Variants in LRP1B observed in about 807,000 individuals in gnomAD.
The protein encoded by LRP1B is LDL receptor related protein 1B.
Under a neutral mutation model 556.6 loss-of-function variants are expected in LRP1B, and 217 were observed. The observed-to-expected ratio is 0.39, with a 90% CI of 0.35 to 0.44. The LOEUF (loss-of-function observed/expected upper bound fraction) is 0.44, where lower values mean the gene tolerates loss of function less well. LRP1B is among the 20% of genes least tolerant of loss of function. The probability of loss-of-function intolerance (pLI) is 1.00; values close to 1 mark genes in which losing one functional copy is unlikely to be tolerated. For missense variants in LRP1B, 5,053 were observed against 5,620.8 expected, an observed-to-expected ratio of 0.90 and a Z score of 3.23; for synonymous variants, 2,047 against 1,865.8, an observed-to-expected ratio of 1.10 and a Z score of -2.50.
At chr2:140,987,203 A>C (rs1696952867) in intron 17 of LRP1B, among the ~76,000 whole-genome samples, 2 of 152,084 alleles carry the variant, frequency 1.3e-5, no homozygotes, top group Admixed American at 6.6e-5. Context: ...TCGAGTTCTT[A>C]AGGTATCCAG....
chr2:141,294,568 A>C (rs749321038), intron 3 of LRP1B, among the ~76,000 whole-genome samples: 5 of 151,732 alleles, frequency 3.3e-5, no homozygotes, highest in Non-Finnish European at 7.4e-5. Context: ...ACAAAAAAAA[A>C]AATAAAGTAA....
intron 1 of LRP1B, among the ~76,000 whole-genome samples, chr2:142,026,561 A>G (rs1192190338): frequency 1.3e-5 from 2 of 152,098 alleles, no homozygotes; most frequent in African/African-American, 4.8e-5. Flanking sequence ...TAAATAAACC[A>G]TATCCAATTA....
At chr2:141,126,856 C>A (rs1431051172) in intron 7 of LRP1B, among the ~76,000 whole-genome samples, 1 of 151,094 alleles carries the variant, frequency 6.6e-6, no homozygotes, top group Non-Finnish European at 1.5e-5. Context: ...ATGATTAATT[C>A]ATTTTTCTTC....
At chr2:141,000,131 C>A (rs1454007939) in intron 15 of LRP1B, among the ~76,000 whole-genome samples, 1 of 151,742 alleles carries the variant, frequency 6.6e-6, no homozygotes, top group East Asian at 2.0e-4. Context: ...GTTCCCCAAG[C>A]TGGTCTTGAA....
intron 3 of LRP1B, among the ~76,000 whole-genome samples, chr2:141,293,038 C>T (rs1280760050): frequency 6.6e-6 from 1 of 152,046 alleles, no homozygotes; most frequent in Non-Finnish European, 1.5e-5. Flanking sequence ...CTCCTTTATG[C>T]TATTCTAAAA....
At chr2:141,085,101 G>C (rs1444519519) in intron 7 of LRP1B, among the ~76,000 whole-genome samples, 1 of 141,398 alleles carries the variant, frequency 7.1e-6, no homozygotes, top group Admixed American at 7.3e-5. Flanking sequence ...GTTGCCCTAA[G>C]AGAGAAGGTA....
At position 140,381,015 on chromosome 2, in the gene LRP1B, T is replaced by G. The variant is rs139435057; in HGVS notation, c.10532-2729A>C. On this transcript the variant is annotated intron_variant, in intron 67 of 90. Transcript: ENST00000389484. ...TTTTAAAAATGCCAGCAAATCTACT[T>G]CTGAATAATAATCATGAATTATTTA... is the stretch of plus-strand genomic sequence containing the variant. 3.5e-3 allele frequency among the ~76,000 whole-genome samples: 526 copies of G among 152,268 alleles called. 4 individuals carry two copies. The highest frequency in any genetic ancestry group is 0.012 in the African/African-American group (509 of 41,552).
intron 18 of LRP1B, among the ~76,000 whole-genome samples, chr2:140,971,191 G>C (rs1442769509): frequency 2.0e-5 from 3 of 152,168 alleles, no homozygotes; most frequent in Non-Finnish European, 4.4e-5. Context: ...GATTAAAGGT[G>C]GGCTTTAAAA....
chr2:140,328,038 T>C (rs976997981), intron 79 of LRP1B, among the ~76,000 whole-genome samples: 2 of 151,960 alleles, frequency 1.3e-5, no homozygotes, highest in Non-Finnish European at 2.9e-5. Flanking sequence ...GTTACAGAGA[T>C]GAGAATCAAG....
At chr2:140,739,778 C>T (rs1320811195) in intron 35 of LRP1B, among the ~76,000 whole-genome samples, 1 of 152,096 alleles carries the variant, frequency 6.6e-6, no homozygotes, top group Admixed American at 6.6e-5. Flanking sequence ...ATCTATACAT[C>T]TGACAAAGGA....
At chr2:141,118,780 T>C (rs560096447) in intron 7 of LRP1B, among the ~76,000 whole-genome samples, 54 of 152,002 alleles carry the variant, frequency 3.6e-4, no homozygotes, top group African/African-American at 1.2e-3. Context: ...TTTCCCTTTT[T>C]TTCTTTTGAA....
chr2:140,334,630 A>G, intron 78 of LRP1B, 71 bp from the exon 79 acceptor site: 1 of 800,596 alleles, frequency 1.2e-6, no homozygotes, highest in Non-Finnish European at 2.0e-6. Flanking sequence ...TCCGCAAAGC[A>G]GTGGCTCTTC....
At chr2:140,250,601 A>G (rs1175008514) in intron 86 of LRP1B, among the ~76,000 whole-genome samples, 1 of 151,480 alleles carries the variant, frequency 6.6e-6, no homozygotes, top group African/African-American at 2.4e-5. Context: ...AGTTGTATGT[A>G]TAAGTGCTCT....
At chr2:141,819,088 A>G (rs1696666365) in intron 1 of LRP1B, among the ~76,000 whole-genome samples, 3 of 115,806 alleles carry the variant, frequency 2.6e-5, no homozygotes, top group Non-Finnish European at 5.3e-5. Context: ...AAAATTCAAA[A>G]ATTAACCAGG....
At chr2:141,724,994 G>T (rs1251540459) in intron 2 of LRP1B, among the ~76,000 whole-genome samples, 1 of 151,682 alleles carries the variant, frequency 6.6e-6, no homozygotes, top group Admixed American at 6.6e-5. Context: ...TCCCAATCCC[G>T]CCTTTTATGT....
chr2:141,444,359 C>T (rs966592418), intron 3 of LRP1B, among the ~76,000 whole-genome samples: 14 of 152,172 alleles, frequency 9.2e-5, no homozygotes, highest in Non-Finnish European at 1.9e-4. Context: ...TCTAAATATA[C>T]AATCATGTCA....
In LRP1B at chr2:142,115,781, AATATATATCATATATAT is replaced by A. The variant is rs1707235641; in HGVS notation, c.82+14850_82+14866del. 2.3e-4 allele frequency among the ~76,000 whole-genome samples: 4 copies of A among 17,302 alleles called. 2 individuals are homozygous for A. Among genetic ancestry groups the A allele is most frequent in the African/African-American group, 5.5e-4 (4 of 7,248 alleles). The allele number at this position is 17,302 out of a possible 152,430, so 11.4% of individuals were successfully genotyped here. A position where few individuals can be genotyped will look rare whatever the true frequency, so the allele number is the denominator to read the frequency against. On this transcript the variant is annotated intron_variant, in intron 1 of 90. Transcript: ENST00000389484. ...TATGTAATATATATCATATATATGT[AATATATATCATATATAT>A]GTAATATATATCATATATATGTAAT...
intron 41 of LRP1B, among the ~76,000 whole-genome samples, chr2:140,669,000 GA>G (rs1480326619): frequency 6.6e-6 from 1 of 152,190 alleles, no homozygotes; most frequent in Non-Finnish European, 1.5e-5. Context: ...TTGAATGACA[GA>G]TGAAGAGATT....
At chr2:141,789,815 A>G (rs988186215) in intron 2 of LRP1B, among the ~76,000 whole-genome samples, 1 of 151,986 alleles carries the variant, frequency 6.6e-6, no homozygotes, top group South Asian at 2.1e-4. Context: ...AAATATTTTC[A>G]AAGTTATGCA....
Sources: gnomAD v4.1 joint callset for allele counts (sites outside exome capture counted in the v4.1 genomes callset) on GRCh38, gnomAD v4.1.1 for gene constraint, MANE v1.5 for transcripts, NCBI Gene and HGNC (gene_info 2026-07-23, HGNC 2026-07-21) for gene names.